DOCK8: variants seen among roughly 807,000 people sequenced by gnomAD.
The protein encoded by DOCK8 is dedicator of cytokinesis 8, also known as dedicator of cytokinesis protein 8.
DOCK8 carries 141 observed loss-of-function variants against 245.6 expected under a neutral mutation model. The ratio of observed to expected loss-of-function variants is 0.57; its 90% confidence interval spans 0.50 to 0.66. DOCK8 has a LOEUF of 0.66. Ranked by LOEUF, DOCK8 falls within the 30% of genes least tolerant of loss-of-function variation. The pLI is 0.00. For missense variants in DOCK8, 2,965 were observed against 2,603.4 expected, an observed-to-expected ratio of 1.14 and a Z score of -3.02; for synonymous variants, 1,168 against 970.2, an observed-to-expected ratio of 1.20 and a Z score of -3.79.
chr9:278,664 T>A (rs1329370199), intron 2 of DOCK8, among the ~76,000 whole-genome samples: 2 of 152,202 alleles, frequency 1.3e-5, no homozygotes, highest in Non-Finnish European at 2.9e-5. Flanking sequence ...CTGAATGAAC[T>A]TGACGGACAT....
chr9:336,442 G>A, intron 11 of DOCK8, 140 bp from the exon 12 acceptor site: 1 of 1,177,190 alleles, frequency 8.5e-7, no homozygotes, highest in South Asian at 1.3e-5. Flanking sequence ...GCCAATGGAA[G>A]GACATTTTCA....
At chr9:391,626 A>G (rs903637833) in intron 24 of DOCK8, among the ~76,000 whole-genome samples, 2 of 152,180 alleles carry the variant, frequency 1.3e-5, no homozygotes, top group South Asian at 2.1e-4. Flanking sequence ...GGCACTAAAA[A>G]TAAACATTTT....
intron 1 of DOCK8, among the ~76,000 whole-genome samples, chr9:254,272 G>A (rs2047717977): frequency 1.3e-5 from 2 of 152,152 alleles, no homozygotes; most frequent in South Asian, 4.1e-4. Flanking sequence ...TTCTGAAAAA[G>A]ACCATCCTCC....
At chr9:292,974 A>G (rs1194405676) in intron 4 of DOCK8, among the ~76,000 whole-genome samples, 3 of 152,124 alleles carry the variant, frequency 2.0e-5, no homozygotes, top group African/African-American at 4.8e-5. Flanking sequence ...TATATTTATT[A>G]TATGCAAGTT....
Position 434,991 on chromosome 9 carries a change from C to A in DOCK8, c.5079+16C>A. On this transcript the variant is annotated intron_variant, in intron 39 of 47. Transcript: ENST00000432829. ...CAGCTTCCAGGTAGGGTGTGTGCAG[C>A]TTTTCCCTTAGAGCAGTGGTTCTCA... 2 of 1,611,450 alleles carry A rather than the reference C, an allele frequency of 1.2e-6. No homozygotes were observed. Among genetic ancestry groups the A allele is most frequent in the Non-Finnish European group, 1.7e-6 (2 of 1,179,862 alleles).
At chr9:300,268 A>G (rs1473060261) in intron 4 of DOCK8, among the ~76,000 whole-genome samples, 2 of 152,218 alleles carry the variant, frequency 1.3e-5, no homozygotes, top group African/African-American at 4.8e-5. Context: ...TGCCAGAGTT[A>G]TAAACTTTGT....
At chr9:214,777 A>G, upstream of DOCK8, 1 of 1,544,900 alleles carries the variant, frequency 6.5e-7, no homozygotes, top group Non-Finnish European at 8.7e-7. Context: ...CGGGTGGCGG[A>G]GCCGGCCGTC....
chr9:277,457 G>GAGAGAAGAGA (rs143194665), intron 2 of DOCK8, among the ~76,000 whole-genome samples: 16,096 of 129,520 alleles, frequency 0.12, 1,589 homozygotes, highest in East Asian at 0.23. Flanking sequence ...AGAAGAGAAA[G>GAGAGAAGAGA]AGAGAAGAGA....
At chr9:357,012 G>A (rs1232025211) in intron 14 of DOCK8, among the ~76,000 whole-genome samples, 1 of 152,128 alleles carries the variant, frequency 6.6e-6, no homozygotes, top group South Asian at 2.1e-4. Flanking sequence ...TAAGACCTAA[G>A]ACCATAAACA....
chr9:280,790 G>C (rs558847450), intron 2 of DOCK8: 2 of 152,314 alleles, frequency 1.3e-5, no homozygotes, highest in East Asian at 1.9e-4. Context: ...CTGTCCTCCA[G>C]CTCTTGCAGG....
chr9:356,446 C>G (rs1260736949), intron 14 of DOCK8, among the ~76,000 whole-genome samples: 3 of 150,892 alleles, frequency 2.0e-5, no homozygotes, highest in Admixed American at 6.6e-5. Flanking sequence ...AGGAGAATAG[C>G]GTGAACCCAG....
Position 312,013 on chromosome 9 carries a change from C to G in DOCK8, c.588C>G (p.Ala196=), listed in dbSNP as rs1181697145. 1.2e-6 allele frequency: 2 copies of G among 1,614,212 alleles called. No homozygotes were observed. Among genetic ancestry groups the G allele is most frequent in the Non-Finnish European group, 8.5e-7 (1 of 1,180,036 alleles). Residue 196 remains alanine, a synonymous_variant, in exon 6 of 48, where the codon GCC becomes GCG. Transcript: ENST00000432829. ...TGTCTGGGAAAGGCCCCGTCACTGC[C>G]TGTGACTTTGACCTCCGCAGCCTGC... ...CDVSGKGPVT[A]CDFDLRSLQP... is the part of the protein sequence containing the mutation.
chr9:445,454 G>T (rs566879751), intron 43 of DOCK8, among the ~76,000 whole-genome samples: 2 of 152,094 alleles, frequency 1.3e-5, no homozygotes, highest in African/African-American at 2.4e-5. Context: ...GTACTTATTC[G>T]CTCTGTGTTT....
At chr9:298,457 T>C (rs1379079481) in intron 4 of DOCK8, among the ~76,000 whole-genome samples, 1 of 152,090 alleles carries the variant, frequency 6.6e-6, no homozygotes, top group Non-Finnish European at 1.5e-5. Context: ...AAAGAATTGA[T>C]TTTGATTTTT....
intron 6 of DOCK8, among the ~76,000 whole-genome samples, chr9:315,811 A>C (rs2050318981): frequency 6.6e-6 from 1 of 152,192 alleles, no homozygotes; most frequent in African/African-American, 2.4e-5. Context: ...TTTTAAAAGG[A>C]TTTCAAAAAT....
intron 2 of DOCK8, among the ~76,000 whole-genome samples, chr9:277,882 T>C (rs557982000): frequency 6.6e-6 from 1 of 152,354 alleles, no homozygotes; most frequent in South Asian, 2.1e-4. Context: ...TTTTGTTATG[T>C]GTATAGGCTT....
In DOCK8 at chr9:441,886, A is replaced by G; in HGVS notation, c.5367A>G (p.Arg1789=). 1.9e-6 allele frequency: 3 copies of G among 1,614,132 alleles called. No homozygotes were observed. The highest frequency in any genetic ancestry group is 2.5e-6 in the Non-Finnish European group (3 of 1,180,022). The change falls in exon 42 of 48, where the codon AGA becomes AGG. Residue 1789 remains arginine, a synonymous_variant. Coordinates refer to ENST00000432829, the MANE Select transcript of DOCK8 (RefSeq NM_203447.4). ...ATTTTGTTCCTCAGGATCATAAGAG[A>G]ATGTTTGGAACCTACTTCCGAGTTG... ...FDSIVNKDHK[R]MFGTYFRVGF... is the part of the protein sequence containing the mutation.
At chr9:420,274 G>C (rs2056219888) in intron 30 of DOCK8, 127 bp from the exon 31 acceptor site, 1 of 1,016,802 alleles carries the variant, frequency 9.8e-7, no homozygotes, top group Non-Finnish European at 1.5e-6. Context: ...CAGCCTAGCA[G>C]TGATGTACAG....
intron 44 of DOCK8, among the ~76,000 whole-genome samples, chr9:449,231 T>A (rs531607412): frequency 1.3e-5 from 2 of 152,120 alleles, no homozygotes; most frequent in Non-Finnish European, 2.9e-5. Flanking sequence ...ATGCCTGTAA[T>A]CCCAGCTACT....
Sources: allele counts gnomAD v4.1 joint callset (sites outside exome capture counted in the v4.1 genomes callset), GRCh38; gene constraint gnomAD v4.1.1; transcripts MANE v1.5; gene names NCBI Gene and HGNC (gene_info 2026-07-23, HGNC 2026-07-21).